Variants in HEPHL1 observed in about 807,000 individuals in gnomAD.
The protein encoded by HEPHL1 is ferroxidase HEPHL1.
Under a neutral mutation model 122.0 loss-of-function variants are expected in HEPHL1, and 123 were observed. The ratio of observed to expected loss-of-function variants is 1.01; its 90% confidence interval spans 0.87 to 1.17. The LOEUF (loss-of-function observed/expected upper bound fraction) is 1.17. HEPHL1 is among the 50% of genes most tolerant of loss of function. The pLI is 0.00. For missense variants in HEPHL1, 1,452 were observed against 1,430.5 expected (o/e 1.01, Z -0.24); for synonymous variants, 527 against 508.9 (o/e 1.04, Z -0.48).
chr11:94,107,090 T>G lies in HEPHL1; in HGVS notation c.3045+960T>G, dbSNP rs142100915. ...GGTCCAAATAGTCTGTCATCCGAAG[T>G]TCTCAGTGCTTTCTACAAGGAAGTG... On this transcript the variant is annotated intron_variant, in intron 17 of 19. Coordinates refer to ENST00000315765, the MANE Select transcript of HEPHL1 (RefSeq NM_001098672.2). Among the ~76,000 whole-genome samples, 345 of 152,328 alleles carry G rather than the reference T, an allele frequency of 2.3e-3. 1 individual carries two copies. Among genetic ancestry groups the G allele is most frequent in the African/African-American group, 7.4e-3 (306 of 41,572 alleles).
chr11:94,110,617 T>C (rs964527593), intron 17 of HEPHL1, among the ~76,000 whole-genome samples: 2 of 152,212 alleles, frequency 1.3e-5, no homozygotes, highest in African/African-American at 4.8e-5. Context: ...CCTTATACAA[T>C]GTAGGTAGGA....
rs1946310137 is a variant in HEPHL1 at position 94,096,109 on chromosome 11, G to GTAT, written c.2434+2469_2434+2470insTAT. Reference sequence around the variant, plus strand: ...CCCTGTCTTGTGCCAGTTTTCAAAGGGAATGCTTCCAGTTTTTGCCCATTC... The same window carrying GTAT: ...CCCTGTCTTGTGCCAGTTTTCAAAGGTATGAATGCTTCCAGTTTTTGCCCATTC... On this transcript the variant is annotated intron_variant, in intron 13 of 19. Transcript: ENST00000315765. Among the ~76,000 whole-genome samples the GTAT allele has an allele frequency of 2.0e-5, 3 of 152,238 alleles. No individual in the cohort carries two copies. In the South Asian group the frequency reaches 6.2e-4, roughly 32 times the overall value.
At chr11:94,072,637 A>C (rs1036731944) in intron 6 of HEPHL1, among the ~76,000 whole-genome samples, 4 of 152,108 alleles carry the variant, frequency 2.6e-5, no homozygotes, top group Admixed American at 2.6e-4. Flanking sequence ...AGAGCTTACT[A>C]GATGCAGAGA....
chr11:94,048,424 G>C (rs1945859904), intron 2 of HEPHL1, among the ~76,000 whole-genome samples: 1 of 152,086 alleles, frequency 6.6e-6, no homozygotes, highest in Non-Finnish European at 1.5e-5. Context: ...CAGTAGTACA[G>C]TCATGGTTCA....
At chr11:94,105,943 G>T (rs1484944642) in intron 16 of HEPHL1, 48 bp from the exon 17 acceptor site, 1 of 1,320,428 alleles carries the variant, frequency 7.6e-7, no homozygotes, top group Non-Finnish European at 1.0e-6. Flanking sequence ...TAAAAAATCA[G>T]CTTATCTTTT....
At chr11:94,060,620 C>T (rs1392124154) in intron 2 of HEPHL1, among the ~76,000 whole-genome samples, 1 of 152,090 alleles carries the variant, frequency 6.6e-6, no homozygotes, top group Non-Finnish European at 1.5e-5. Context: ...AGGTAAGATT[C>T]CTTTCCAGGC....
intron 2 of HEPHL1, among the ~76,000 whole-genome samples, chr11:94,058,924 G>C (rs942407104): frequency 6.6e-6 from 1 of 152,012 alleles, no homozygotes; most frequent in African/African-American, 2.4e-5. Context: ...CACACAATCT[G>C]ATTCTTTACA....
intron 4 of HEPHL1, 56 bp from the exon 5 acceptor site, chr11:94,067,440 T>G: frequency 6.4e-7 from 1 of 1,569,026 alleles, no homozygotes; most frequent in Non-Finnish European, 8.7e-7. Context: ...CCAACATTTC[T>G]GGTCCCAGTC....
intron 1 of HEPHL1, among the ~76,000 whole-genome samples, chr11:94,043,963 C>T (rs1565347473): frequency 6.6e-6 from 1 of 151,892 alleles, no homozygotes; most frequent in Non-Finnish European, 1.5e-5. Flanking sequence ...AATAAATGCA[C>T]GGACACTTGC....
chr11:94,066,776 A>T (rs1946038227), intron 4 of HEPHL1, among the ~76,000 whole-genome samples: 1 of 152,086 alleles, frequency 6.6e-6, no homozygotes, highest in Non-Finnish European at 1.5e-5. Context: ...TTAAGAAGGG[A>T]TATTGTGACT....
At chr11:94,099,400 G>T (rs571047840) in intron 13 of HEPHL1, among the ~76,000 whole-genome samples, 2 of 152,180 alleles carry the variant, frequency 1.3e-5, no homozygotes, top group African/African-American at 4.8e-5. Context: ...GTGCCTGGCC[G>T]TGTGAGGTGT....
intron 1 of HEPHL1, among the ~76,000 whole-genome samples, chr11:94,042,995 T>A (rs1406378299): frequency 6.6e-6 from 1 of 151,086 alleles, no homozygotes; most frequent in African/African-American, 2.4e-5. Context: ...TTGGAAAGGA[T>A]TGGGAAAGAA....
At chr11:94,069,993 A>G (rs1946061261) in intron 5 of HEPHL1, among the ~76,000 whole-genome samples, 1 of 152,182 alleles carries the variant, frequency 6.6e-6, no homozygotes, top group Non-Finnish European at 1.5e-5. Flanking sequence ...AATCTGATCA[A>G]TGAACAATAG....
chr11:94,060,500 A>C (rs1945978933), intron 2 of HEPHL1, among the ~76,000 whole-genome samples: 1 of 152,154 alleles, frequency 6.6e-6, no homozygotes, highest in African/African-American at 2.4e-5. Context: ...TACAAGTCTC[A>C]ACAACTCTTA....
chr11:94,066,566 A>G (rs1946036041), intron 4 of HEPHL1, among the ~76,000 whole-genome samples: 1 of 151,958 alleles, frequency 6.6e-6, no homozygotes, highest in African/African-American at 2.4e-5. Context: ...AAAAGAAAAA[A>G]AAGAGAGAGA....
intron 9 of HEPHL1, among the ~76,000 whole-genome samples, chr11:94,079,781 T>C (rs1217173271): frequency 6.6e-6 from 1 of 152,068 alleles, no homozygotes; most frequent in Non-Finnish European, 1.5e-5. Flanking sequence ...GACTGTATTG[T>C]CCAACATAAG....
At chr11:94,065,885 A>T (rs1946029850) in intron 4 of HEPHL1, among the ~76,000 whole-genome samples, 1 of 152,216 alleles carries the variant, frequency 6.6e-6, no homozygotes, top group South Asian at 2.1e-4. Context: ...GATTACATGT[A>T]TCATAAAAAG....
intron 14 of HEPHL1, among the ~76,000 whole-genome samples, chr11:94,102,427 C>CTT (rs1946374756): frequency 1.3e-5 from 2 of 152,146 alleles, no homozygotes; most frequent in Non-Finnish European, 2.9e-5. Context: ...CACCTGCCCA[C>CTT]TTGAGAAGCT....
intron 13 of HEPHL1, among the ~76,000 whole-genome samples, chr11:94,099,999 G>A (rs573747292): frequency 2.0e-5 from 3 of 152,138 alleles, no homozygotes; most frequent in South Asian, 2.1e-4. Context: ...GCTCACGCTC[G>A]GTGGGCTGCA....
Sources: allele counts gnomAD v4.1 joint callset (sites outside exome capture counted in the v4.1 genomes callset), GRCh38; gene constraint gnomAD v4.1.1; transcripts MANE v1.5; gene names NCBI Gene and HGNC (gene_info 2026-07-23, HGNC 2026-07-21).